XIRP2: variants seen among roughly 807,000 people sequenced by gnomAD.
XIRP2 encodes xin actin binding repeat containing 2.
Under a neutral mutation model 277.0 loss-of-function variants are expected in XIRP2, and 236 were observed. The ratio of observed to expected loss-of-function variants is 0.85; its 90% CI spans 0.77 to 0.95. The LOEUF (loss-of-function observed/expected upper bound fraction) is 0.95. XIRP2 is among the 40% of genes least tolerant of loss of function. The pLI, the probability that XIRP2 is intolerant of heterozygous loss-of-function variation, is 0.00. For missense variants in XIRP2, 4,640 were observed against 4,157.5 expected, an observed-to-expected ratio of 1.12 and a Z score of -3.19; for synonymous variants, 1,490 against 1,416.5, an observed-to-expected ratio of 1.05 and a Z score of -1.17.
intron 2 of XIRP2, among the ~76,000 whole-genome samples, chr2:166,950,664 A>T (rs961448717): frequency 2.0e-5 from 3 of 152,060 alleles, no homozygotes; most frequent in Non-Finnish European, 4.4e-5. Flanking sequence ...GAATTTCATA[A>T]ATTAAAACTG....
intron 2 of XIRP2, among the ~76,000 whole-genome samples, chr2:167,011,844 T>A (rs1160059127): frequency 6.6e-6 from 1 of 152,144 alleles, no homozygotes; most frequent in South Asian, 2.1e-4. Context: ...TCCTAGATTT[T>A]CTAGTTTATT....
At chr2:167,032,146 A>G (rs1487764427) in intron 2 of XIRP2, among the ~76,000 whole-genome samples, 1 of 152,072 alleles carries the variant, frequency 6.6e-6, no homozygotes, top group Non-Finnish European at 1.5e-5. Flanking sequence ...CAGAAATGAC[A>G]CCACACATCT....
At chr2:167,039,701 T>C (rs78318024) in intron 2 of XIRP2, among the ~76,000 whole-genome samples, 2 of 152,310 alleles carry the variant, frequency 1.3e-5, no homozygotes, top group East Asian at 3.9e-4. Context: ...TTATACAATG[T>C]CACACTATTT....
At chr2:166,998,716 A>G (rs931916308) in intron 2 of XIRP2, among the ~76,000 whole-genome samples, 35 of 152,182 alleles carry the variant, frequency 2.3e-4, no homozygotes, top group Non-Finnish European at 3.2e-4. Flanking sequence ...ATTAAGTTTA[A>G]CCAATCAGAA....
intron 2 of XIRP2, among the ~76,000 whole-genome samples, chr2:167,119,776 T>C (rs1558986681): frequency 1.3e-5 from 2 of 152,234 alleles, no homozygotes; most frequent in South Asian, 4.1e-4. Context: ...TGGTACATGC[T>C]AAAGTTCAGC....
At chr2:167,184,338 G>A (rs149692569) in intron 3 of XIRP2, among the ~76,000 whole-genome samples, 2 of 152,264 alleles carry the variant, frequency 1.3e-5, no homozygotes, top group East Asian at 1.9e-4. Context: ...TGTTTGTTAA[G>A]TAGCATGAAA....
intron 2 of XIRP2, among the ~76,000 whole-genome samples, chr2:167,118,531 A>AAATAG (rs1690962643): frequency 6.7e-6 from 1 of 149,574 alleles, no homozygotes; most frequent in Admixed American, 6.7e-5. Flanking sequence ...AAATAAAATA[A>AAATAG]AATAGCTTGA....
chr2:166,936,016 G>A (rs1049142798), intron 2 of XIRP2, among the ~76,000 whole-genome samples: 8 of 152,198 alleles, frequency 5.3e-5, no homozygotes, highest in East Asian at 1.9e-4. Context: ...GAACCAGTTT[G>A]CAGTCCCACC....
chr2:167,162,777 A>C (rs1264776404), intron 3 of XIRP2, among the ~76,000 whole-genome samples: 1 of 152,210 alleles, frequency 6.6e-6, no homozygotes, highest in Non-Finnish European at 1.5e-5. Context: ...ACATCCAACC[A>C]TGTTCATCAC....
intron 2 of XIRP2, among the ~76,000 whole-genome samples, chr2:167,038,679 GA>G (rs1323192863): frequency 2.0e-5 from 3 of 151,610 alleles, no homozygotes; most frequent in Non-Finnish European, 4.4e-5. Context: ...TTTAAATAGA[GA>G]GTCCTATCCA....
intron 2 of XIRP2, among the ~76,000 whole-genome samples, chr2:167,017,554 C>G (rs74699927): frequency 3.3e-5 from 5 of 151,866 alleles, no homozygotes; most frequent in Non-Finnish European, 7.4e-5. Context: ...GGGAAACTTG[C>G]TGGAAATCAA....
intron 2 of XIRP2, among the ~76,000 whole-genome samples, chr2:167,025,405 G>A (rs1270136115): frequency 6.6e-6 from 1 of 152,074 alleles, no homozygotes; most frequent in Non-Finnish European, 1.5e-5. Flanking sequence ...CAAAAAACCA[G>A]CTGCTGGATT....
chr2:167,138,128 A>G (rs1691608879), intron 3 of XIRP2, among the ~76,000 whole-genome samples: 1 of 152,224 alleles, frequency 6.6e-6, no homozygotes, highest in African/African-American at 2.4e-5. Flanking sequence ...ATACAATTAT[A>G]TGAGTGACTG....
intron 2 of XIRP2, among the ~76,000 whole-genome samples, chr2:166,925,596 CATATATATATATATATAT>C (rs3060398): frequency 9.8e-6 from 1 of 102,450 alleles, no homozygotes; most frequent in African/African-American, 2.9e-5. Flanking sequence ...TGTGTATATA[CATATATATATATATATAT>C]ATATATATAT....
At chr2:167,113,352 T>G (rs1263884378) in intron 2 of XIRP2, among the ~76,000 whole-genome samples, 1 of 152,214 alleles carries the variant, frequency 6.6e-6, no homozygotes, top group African/African-American at 2.4e-5. Context: ...CACATCTATT[T>G]AAGATAGTGA....
At chr2:167,144,622 C>T (rs1691814243) in intron 3 of XIRP2, among the ~76,000 whole-genome samples, 1 of 152,050 alleles carries the variant, frequency 6.6e-6, no homozygotes, top group Admixed American at 6.6e-5. Flanking sequence ...TCTCTAGTGA[C>T]GTGATAAGAC....
intron 3 of XIRP2, among the ~76,000 whole-genome samples, chr2:167,201,769 G>A (rs994986186): frequency 6.6e-6 from 1 of 152,046 alleles, no homozygotes; most frequent in Non-Finnish European, 1.5e-5. Flanking sequence ...AAGGATTTAA[G>A]TGCATATATT....
intron 1 of XIRP2, among the ~76,000 whole-genome samples, chr2:166,895,298 G>C (rs561649268): frequency 2.0e-5 from 3 of 152,240 alleles, no homozygotes; most frequent in African/African-American, 4.8e-5. Context: ...TAATCCTGTG[G>C]CTTCCATGGC....
Position 167,251,208 on chromosome 2 carries a change from T to C in XIRP2, c.9816T>C (p.Val3272=). 1.2e-6 allele frequency: 2 copies of C among 1,613,530 alleles called. No individual in the cohort carries two copies. Among genetic ancestry groups the C allele is most frequent in the Non-Finnish European group, 1.7e-6 (2 of 1,179,714 alleles). Residue 3272 remains valine, a synonymous_variant, in exon 9 of 11, where the codon GTT becomes GTC. Transcript: ENST00000409195. ...AAGTGGAGAAGAGAGCTACTTATGTTCATAAAGATGGACTAAATTCCACTG... is the reference window on the plus strand; with the variant it reads ...AAGTGGAGAAGAGAGCTACTTATGTCCATAAAGATGGACTAAATTCCACTG... ...IRKVEKRATY[V]HKDGLNSTDH...
Sources: gnomAD v4.1 joint callset for allele counts (sites outside exome capture counted in the v4.1 genomes callset) on GRCh38, gnomAD v4.1.1 for gene constraint, MANE v1.5 for transcripts, NCBI Gene and HGNC (gene_info 2026-07-23, HGNC 2026-07-21) for gene names.